The following TRIM2 variants were observed in gnomAD, a reference collection of about 807,000 sequenced individuals.
TRIM2 encodes tripartite motif-containing protein 2.
Under a neutral mutation model 75.2 loss-of-function variants are expected in TRIM2, and 20 were observed. The observed-to-expected ratio is 0.27, with a 90% CI of 0.19 to 0.39. The LOEUF (loss-of-function observed/expected upper bound fraction) is 0.39, where lower values mean the gene tolerates loss of function less well. Ranked by LOEUF, TRIM2 falls within the 10% of genes least tolerant of loss-of-function variation. The pLI is 1.00. For missense variants in TRIM2, 660 were observed against 990.8 expected (o/e 0.67, Z 4.48); for synonymous variants, 373 against 388.3 (o/e 0.96, Z 0.46).
At chr4:153,172,653 A>C (rs1026199486) in intron 1 of TRIM2, among the ~76,000 whole-genome samples, 1 of 152,220 alleles carries the variant, frequency 6.6e-6, no homozygotes, top group Non-Finnish European at 1.5e-5. Flanking sequence ...CCGGAGATAC[A>C]GTGGTATCCC....
chr4:153,296,030 C>G lies in TRIM2; in HGVS notation c.1504C>G (p.Arg502Gly). Reference protein sequence around the residue: ...ENPIEDDLIFRVGTKGRNKGE... With the variant: ...ENPIEDDLIFGVGTKGRNKGE... ...TCCCATCGAAGACGATTTGATCTTT[C>G]GAGTGGGTAAGGAGAGGGCTTCTGT... is the stretch of plus-strand genomic sequence containing the variant. The change falls in exon 6 of 12, where the codon CGA becomes GGA. Residue 502 changes from arginine to glycine, a missense_variant. Arg to Gly is a moderately radical substitution (Grantham distance 125). This residue lies in a region of TRIM2 where 620 missense variants were observed against 891.0 expected (regional missense o/e 0.70). Coordinates refer to ENST00000338700, the MANE Select transcript of TRIM2 (RefSeq NM_015271.5). The G allele has an allele frequency of 6.6e-7, 1 of 1,521,948 alleles. No individual in the cohort carries two copies. Among genetic ancestry groups the G allele is most frequent in the Non-Finnish European group, 8.8e-7 (1 of 1,136,848 alleles). 94.3% of individuals were successfully genotyped at this position (1,521,948 alleles called of 1,614,324 possible). A position where few individuals can be genotyped will look rare whatever the true frequency, so the allele number is the denominator to read the frequency against.
chr4:153,288,092 A>T (rs1451059506), intron 3 of TRIM2, among the ~76,000 whole-genome samples: 1 of 152,068 alleles, frequency 6.6e-6, no homozygotes, highest in Non-Finnish European at 1.5e-5. Flanking sequence ...GTTTGAATAT[A>T]TTACCCCATT....
At chr4:153,189,485 T>C (rs895759700) in intron 1 of TRIM2, among the ~76,000 whole-genome samples, 1 of 152,226 alleles carries the variant, frequency 6.6e-6, no homozygotes, top group Non-Finnish European at 1.5e-5. Context: ...CGCATCTGGA[T>C]CACGGTGTGT....
rs1211949104 is a variant in TRIM2 at position 153,322,836 on chromosome 4, G to A, written c.1951+20G>A. ...TTGCAGGTACACTCGATGGTAATATGTAAACCCCCTTTTTTATGCTTCTTC... is the reference window on the plus strand; with the variant it reads ...TTGCAGGTACACTCGATGGTAATATATAAACCCCCTTTTTTATGCTTCTTC... On this transcript the variant is annotated intron_variant, in intron 9 of 11. Transcript: ENST00000338700. 4 of 1,613,418 alleles carry A rather than the reference G, an allele frequency of 2.5e-6. No individual in the cohort carries two copies. The highest frequency in any genetic ancestry group is 1.3e-5 in the African/African-American group (1 of 74,938).
rs1176759568 is a variant in TRIM2 at position 153,335,260 on chromosome 4, A to G, written c.*294A>G. On this transcript the variant is annotated 3_prime_UTR_variant, in exon 12 of 12. Transcript: ENST00000338700. ...TGTAGCTAAACTAATTTTGCAAATC[A>G]AACAGACACTTAAAAAACTAGCATA... The G allele has an allele frequency of 5.2e-5, 55 of 1,053,266 alleles. No individual in the cohort carries two copies. The highest frequency in any genetic ancestry group is 5.9e-5 in the Non-Finnish European group (52 of 886,326). The allele number at this position is 1,053,266 out of a possible 1,614,324, so 65.2% of individuals were successfully genotyped here.
chr4:153,242,253 C>T (rs986502012), intron 1 of TRIM2, among the ~76,000 whole-genome samples: 17 of 152,066 alleles, frequency 1.1e-4, no homozygotes, highest in African/African-American at 3.9e-4. Flanking sequence ...AAGGTCACTC[C>T]GAGGATATGC....
At chr4:153,200,960 T>G (rs1185912091), upstream of TRIM2, among the ~76,000 whole-genome samples, 1 of 151,510 alleles carries the variant, frequency 6.6e-6, no homozygotes, top group Admixed American at 6.6e-5. Context: ...TCTCATTTGG[T>G]TTTTTGGGTT....
intron 1 of TRIM2, among the ~76,000 whole-genome samples, chr4:153,174,722 T>A (rs776536915): frequency 6.6e-6 from 1 of 152,242 alleles, no homozygotes; most frequent in Non-Finnish European, 1.5e-5. Flanking sequence ...GCCTGAAGAA[T>A]AAACTCAGTG....
intron 1 of TRIM2, among the ~76,000 whole-genome samples, chr4:153,216,506 A>G (rs1306135735): frequency 6.6e-6 from 1 of 152,210 alleles, no homozygotes; most frequent in African/African-American, 2.4e-5. Context: ...GGGCTGCAGA[A>G]TAAGAGGGCA....
chr4:153,231,299 A>G (rs1743540873), intron 1 of TRIM2, among the ~76,000 whole-genome samples: 3 of 152,230 alleles, frequency 2.0e-5, no homozygotes, highest in Admixed American at 1.3e-4. Context: ...TCAAGTGTCA[A>G]CTCATATGAT....
intron 1 of TRIM2, among the ~76,000 whole-genome samples, chr4:153,213,221 G>T (rs1164401438): frequency 6.6e-6 from 1 of 152,170 alleles, no homozygotes; most frequent in Non-Finnish European, 1.5e-5. Context: ...CGCACAGCTG[G>T]TCAGGGGCAG....
intron 2 of TRIM2, among the ~76,000 whole-genome samples, chr4:153,275,472 A>G (rs1757804575): frequency 6.6e-6 from 1 of 152,222 alleles, no homozygotes; most frequent in South Asian, 2.1e-4. Context: ...AAGTCCACAC[A>G]TTTATGAGCC....
chr4:153,182,978 G>T (rs1043448136), intron 1 of TRIM2, among the ~76,000 whole-genome samples: 5 of 152,150 alleles, frequency 3.3e-5, no homozygotes, highest in African/African-American at 9.7e-5. Flanking sequence ...TCCCCCGGGT[G>T]CTTGTTCACT....
In TRIM2 at chr4:153,338,911, T is replaced by C. The variant is rs1772771503; in HGVS notation, c.*3945T>C. 2 of 985,370 alleles carry C rather than the reference T, an allele frequency of 2.0e-6. No individual in the cohort carries two copies. The highest frequency in any genetic ancestry group is 1.7e-5 in the African/African-American group (1 of 57,176). 61.0% of individuals were successfully genotyped at this position (985,370 alleles called of 1,614,324 possible). ...TGTAATAGAATTCTTTATATCGTTC[T>C]CAATTCTATAGACTTTCAAGCCTAT... is the stretch of plus-strand genomic sequence containing the variant. On this transcript the variant is annotated 3_prime_UTR_variant, in exon 12 of 12. Transcript: ENST00000338700.
At position 153,339,093 on chromosome 4, in the gene TRIM2, T is replaced by C; in HGVS notation, c.*4127T>C. 9.1e-6 allele frequency: 9 copies of C among 985,864 alleles called. No homozygotes were observed. The highest frequency in any genetic ancestry group is 1.1e-5 in the Non-Finnish European group (9 of 829,926). 61.1% of individuals were successfully genotyped at this position (985,864 alleles called of 1,614,324 possible). Reference sequence around the variant, plus strand: ...GATATATTCTCGTCATTTGTTCTTTTATGAATCAAAATGTTGACTGCCTAT... The same window carrying C: ...GATATATTCTCGTCATTTGTTCTTTCATGAATCAAAATGTTGACTGCCTAT... On this transcript the variant is annotated 3_prime_UTR_variant, in exon 12 of 12. Transcript: ENST00000338700.
At chr4:153,168,245 C>A (rs1560780901) in intron 1 of TRIM2, among the ~76,000 whole-genome samples, 1 of 151,858 alleles carries the variant, frequency 6.6e-6, no homozygotes, top group Non-Finnish European at 1.5e-5. Flanking sequence ...GCATATAGAA[C>A]TAAATATTTC....
chr4:153,279,553 T>C (rs1447547909), intron 3 of TRIM2, among the ~76,000 whole-genome samples: 1 of 152,142 alleles, frequency 6.6e-6, no homozygotes, highest in African/African-American at 2.4e-5. Context: ...TAGGGTCAAA[T>C]CTCTACCCAG....
In TRIM2 at chr4:153,337,580, T is replaced by C. The variant is rs1772598273; in HGVS notation, c.*2614T>C. 1 of 985,674 alleles carries C rather than the reference T, an allele frequency of 1.0e-6. No homozygotes were observed. Among genetic ancestry groups the C allele is most frequent in the South Asian group, 4.7e-5 (1 of 21,290 alleles). 61.1% of individuals were successfully genotyped at this position (985,674 alleles called of 1,614,324 possible). A position where few individuals can be genotyped will look rare whatever the true frequency, so the allele number is the denominator to read the frequency against. ...TTCACACTTGGATACATATGTGCAT[T>C]TACTGTATTTCTTGGTAAGCATATT... On this transcript the variant is annotated 3_prime_UTR_variant, in exon 12 of 12. Coordinates refer to ENST00000338700, the MANE Select transcript of TRIM2 (RefSeq NM_015271.5).
At chr4:153,302,516 G>A (rs1243909473) in intron 6 of TRIM2, among the ~76,000 whole-genome samples, 2 of 152,152 alleles carry the variant, frequency 1.3e-5, no homozygotes, top group Non-Finnish European at 2.9e-5. Flanking sequence ...TTTAATGATG[G>A]GTAGGACTTA....
Sources: allele counts gnomAD v4.1 joint callset (sites outside exome capture counted in the v4.1 genomes callset), GRCh38; gene constraint gnomAD v4.1.1; regional missense constraint gnomAD v4.1.1; transcripts MANE v1.5; gene names NCBI Gene and HGNC (gene_info 2026-07-23, HGNC 2026-07-21).